ZNF675: variants seen among roughly 807,000 people sequenced by gnomAD.
The protein encoded by ZNF675 is TRAF6 inhibitory zinc finger.
A neutral mutation model predicts 56.1 loss-of-function variants in ZNF675; 36 were observed. The ratio of observed to expected loss-of-function variants is 0.64; its 90% CI spans 0.49 to 0.85. ZNF675 has a LOEUF of 0.85. Ranked by LOEUF, ZNF675 falls within the 40% of genes least tolerant of loss-of-function variation. The probability of loss-of-function intolerance (pLI) is 0.00; values close to 1 mark genes in which losing one functional copy is unlikely to be tolerated. For synonymous variants in ZNF675, 200 were observed against 218.9 expected, an observed-to-expected ratio of 0.91 and a Z score of 0.76; for missense variants, 663 against 654.2, an observed-to-expected ratio of 1.01 and a Z score of -0.15.
chr19:23,663,266 G>A, intron 1 of ZNF675, 108 bp from the exon 2 acceptor site: 1 of 1,326,580 alleles, frequency 7.5e-7, no homozygotes, highest in Non-Finnish European at 1.0e-6. Flanking sequence ...ATTTATAGGA[G>A]TGACTGAAAT....
intron 1 of ZNF675, among the ~76,000 whole-genome samples, chr19:23,677,852 G>A (rs1968319691): frequency 6.6e-6 from 1 of 151,674 alleles, no homozygotes. Flanking sequence ...GGCTACAGTG[G>A]CTCACGCCTG....
At chr19:23,659,941 AAC>A (rs1355073770) in intron 3 of ZNF675, among the ~76,000 whole-genome samples, 7 of 146,484 alleles carry the variant, frequency 4.8e-5, no homozygotes, top group African/African-American at 7.5e-5. Context: ...CCTATACAGA[AAC>A]CCACACAGTG....
intron 1 of ZNF675, among the ~76,000 whole-genome samples, chr19:23,673,221 A>T (rs529919224): frequency 1.3e-5 from 2 of 152,342 alleles, no homozygotes; most frequent in East Asian, 3.9e-4. Context: ...GATGGATAAG[A>T]GTATCAGCAG....
At chr19:23,686,560 A>G (rs3862493) in intron 1 of ZNF675, among the ~76,000 whole-genome samples, 147,677 of 152,072 alleles carry the variant, frequency 0.97, 71,869 homozygotes, top group Middle Eastern at 1. Flanking sequence ...TCCTGACCTC[A>G]GGTGATCCAC....
intron 1 of ZNF675, among the ~76,000 whole-genome samples, chr19:23,665,303 C>G (rs1378621339): frequency 6.8e-6 from 1 of 148,126 alleles, no homozygotes; most frequent in Admixed American, 6.8e-5. Context: ...TGAAATCGCA[C>G]CACTGCACTC....
intron 1 of ZNF675, among the ~76,000 whole-genome samples, chr19:23,664,336 G>A (rs1968121301): frequency 6.6e-6 from 1 of 152,134 alleles, no homozygotes; most frequent in Admixed American, 6.5e-5. Flanking sequence ...CACACTCACA[G>A]GCAGAAGGAC....
chr19:23,676,160 T>C (rs1056017872), intron 1 of ZNF675, among the ~76,000 whole-genome samples: 4 of 151,408 alleles, frequency 2.6e-5, no homozygotes, highest in South Asian at 2.1e-4. Flanking sequence ...AAAAAAGAAA[T>C]TGAACCCCTG....
chr19:23,672,864 A>T (rs116102669), intron 1 of ZNF675, among the ~76,000 whole-genome samples: 1,704 of 152,318 alleles, frequency 0.011, 34 homozygotes, highest in African/African-American at 0.038. Context: ...GTAAAGGTAA[A>T]AAGAGGACAG....
Position 23,682,801 on chromosome 19 carries a change from T to A in ZNF675, c.3+4230A>T, listed in dbSNP as rs1203235994. On this transcript the variant is annotated intron_variant, in intron 1 of 3. Coordinates refer to ENST00000359788, the MANE Select transcript of ZNF675 (RefSeq NM_138330.3). The stretch of plus-strand genomic sequence containing the variant: ...GCAGTGTTAGTATATAAAAAGAAAA[T>A]TTTAAGGTGCTTCCATTTCATACCT... 2.0e-5 allele frequency among the ~76,000 whole-genome samples: 3 copies of A among 151,678 alleles called. No homozygotes were observed. In the East Asian group the frequency reaches 5.8e-4, roughly 29 times the overall value.
chr19:23,653,153 A>T lies in ZNF675; in HGVS notation c.*73T>A. 1 of 1,356,166 alleles carries T rather than the reference A, an allele frequency of 7.4e-7. No individual in the cohort carries two copies. Among genetic ancestry groups the T allele is most frequent in the Non-Finnish European group, 1.0e-6 (1 of 995,858 alleles). 84.0% of individuals were successfully genotyped at this position (1,356,166 alleles called of 1,614,324 possible). ...ATTTAAAGTCTTTGACACATTCTTT[A>T]CATTTCTAGAATTTTTCACCAGTAT... On this transcript the variant is annotated 3_prime_UTR_variant, in exon 4 of 4. Transcript: ENST00000359788.
At chr19:23,682,003 T>G (rs147145293) in intron 1 of ZNF675, among the ~76,000 whole-genome samples, 51 of 87,836 alleles carry the variant, frequency 5.8e-4, no homozygotes, top group Non-Finnish European at 1.1e-3. Context: ...TACCCTCTTA[T>G]TATGACTTAG....
chr19:23,667,758 G>A (rs1176094254), intron 1 of ZNF675, among the ~76,000 whole-genome samples: 1 of 150,560 alleles, frequency 6.6e-6, no homozygotes, highest in Non-Finnish European at 1.5e-5. Context: ...ACAGAGTGCC[G>A]ACTGGTGTGT....
At chr19:23,660,313 G>A (rs1414720283) in intron 3 of ZNF675, among the ~76,000 whole-genome samples, 1 of 152,156 alleles carries the variant, frequency 6.6e-6, no homozygotes. Flanking sequence ...GTACACAGAT[G>A]CCAATGCAAA....
chr19:23,681,978 GT>G (rs1968382197), intron 1 of ZNF675, among the ~76,000 whole-genome samples: 1 of 150,420 alleles, frequency 6.6e-6, no homozygotes, highest in Admixed American at 6.6e-5. Flanking sequence ...TCCAAAAATA[GT>G]TTTTCAAAAG....
intron 1 of ZNF675, among the ~76,000 whole-genome samples, chr19:23,676,290 A>G (rs1968293649): frequency 2.0e-5 from 3 of 151,810 alleles, no homozygotes; most frequent in African/African-American, 7.3e-5. Flanking sequence ...AAAAGTTGGT[A>G]TTATTTTTAC....
At chr19:23,665,502 TTG>T (rs200588000) in intron 1 of ZNF675, among the ~76,000 whole-genome samples, 1 of 151,548 alleles carries the variant, frequency 6.6e-6, no homozygotes, top group Non-Finnish European at 1.5e-5. Flanking sequence ...CTTTGGGTTT[TTG>T]TGTGTGTGTG....
At chr19:23,658,945 A>ATATCTATAGATACC (rs2144923943) in intron 3 of ZNF675, among the ~76,000 whole-genome samples, 1 of 21,242 alleles carries the variant, frequency 4.7e-5, no homozygotes, top group East Asian at 1.0e-3. Context: ...CTATAGATAT[A>ATATCTATAGATACC]GATCTCTAGA....
At chr19:23,673,029 AAC>A (rs1313682889) in intron 1 of ZNF675, among the ~76,000 whole-genome samples, 1 of 152,236 alleles carries the variant, frequency 6.6e-6, no homozygotes, top group African/African-American at 2.4e-5. Flanking sequence ...GGCAATAGCA[AAC>A]AGTTTCAAGG....
intron 3 of ZNF675, among the ~76,000 whole-genome samples, chr19:23,660,936 T>C (rs972260129): frequency 1.3e-5 from 2 of 150,068 alleles, no homozygotes; most frequent in African/African-American, 4.9e-5. Flanking sequence ...AATTTTCTTT[T>C]TTTTTTTTTT....
Sources: gnomAD v4.1 joint callset for allele counts (sites outside exome capture counted in the v4.1 genomes callset) on GRCh38, gnomAD v4.1.1 for gene constraint, MANE v1.5 for transcripts, NCBI Gene and HGNC (gene_info 2026-07-23, HGNC 2026-07-21) for gene names.